FAM120A: variants seen among roughly 807,000 people sequenced by gnomAD.
FAM120A encodes family with sequence similarity 120 member A, also known as constitutive coactivator of PPAR-gamma-like protein 1.
FAM120A carries 15 observed loss-of-function variants against 109.7 expected under a neutral mutation model. That is an observed-to-expected ratio of 0.14 (90% confidence interval 0.09 to 0.21). The LOEUF (loss-of-function observed/expected upper bound fraction) is 0.21. FAM120A is among the 10% of genes least tolerant of loss of function. FAM120A has a pLI of 1.00. For synonymous variants in FAM120A, 493 were observed against 572.8 expected, an observed-to-expected ratio of 0.86 and a Z score of 1.99; for missense variants, 899 against 1,439.3, an observed-to-expected ratio of 0.62 and a Z score of 6.07.
intron 1 of FAM120A, chr9:93,453,129 A>C (rs1439932754): frequency 9.9e-7 from 1 of 1,006,476 alleles, no homozygotes; most frequent in Non-Finnish European, 1.2e-6. Context: ...GGTTTTGTAG[A>C]TCCCATGCGA....
rs1157129575 is a variant in FAM120A, at chr9:93,498,203, G to A, written c.934-587G>A. The stretch of plus-strand genomic sequence containing the variant: ...AGGTCAGGAGTTTGAGACTAGCCTG[G>A]CCAACATGGTGAAACCCTGTCTCTA... On this transcript the variant is annotated intron_variant, in intron 4 of 17. Transcript: ENST00000277165. This position sits in a 1 kb window ranked among gnomAD's most constrained non-coding sequence, Gnocchi z 4.4. Among the ~76,000 whole-genome samples the A allele has an allele frequency of 6.6e-6, 1 of 152,160 alleles. No homozygotes were observed. The highest frequency in any genetic ancestry group is 1.5e-5 in the Non-Finnish European group (1 of 68,028).
intron 8 of FAM120A, among the ~76,000 whole-genome samples, chr9:93,528,884 G>T (rs1861203104): frequency 6.6e-6 from 1 of 152,116 alleles, no homozygotes; most frequent in African/African-American, 2.4e-5. Flanking sequence ...TATGTGTTAG[G>T]GTTGTGTAAC....
intron 10 of FAM120A, among the ~76,000 whole-genome samples, chr9:93,541,475 T>G (rs770452927): frequency 6.6e-6 from 1 of 152,178 alleles, no homozygotes; most frequent in Non-Finnish European, 1.5e-5. Flanking sequence ...CAGGATATGC[T>G]TCGTGATGGA....
intron 3 of FAM120A, among the ~76,000 whole-genome samples, chr9:93,487,081 T>C (rs1859093296): frequency 6.6e-6 from 1 of 152,244 alleles, no homozygotes; most frequent in African/African-American, 2.4e-5. Flanking sequence ...TTTTCAGACC[T>C]TCTTTGGATA....
chr9:93,490,328 AT>A (rs1859258895), intron 3 of FAM120A, among the ~76,000 whole-genome samples: 1 of 152,220 alleles, frequency 6.6e-6, no homozygotes, highest in Non-Finnish European at 1.5e-5. Flanking sequence ...TCTCAAAATC[AT>A]TTAATCATTG....
chr9:93,555,502 C>T (rs1862257287), intron 12 of FAM120A, among the ~76,000 whole-genome samples: 1 of 152,224 alleles, frequency 6.6e-6, no homozygotes, highest in African/African-American at 2.4e-5. Flanking sequence ...CTCCCATAAA[C>T]ATTGCATTCT....
intron 3 of FAM120A, among the ~76,000 whole-genome samples, chr9:93,490,311 C>T (rs985781294): frequency 5.3e-5 from 8 of 152,166 alleles, no homozygotes; most frequent in African/African-American, 1.9e-4. Flanking sequence ...AGCAGTGGCA[C>T]CAACAGTCTC....
intron 1 of FAM120A, among the ~76,000 whole-genome samples, chr9:93,454,988 T>C (rs547546022): frequency 6.6e-6 from 1 of 152,370 alleles, no homozygotes; most frequent in East Asian, 1.9e-4. Flanking sequence ...AGTGGCACTT[T>C]CTTATAAAGT....
chr9:93,520,570 G>C (rs1003730845), intron 7 of FAM120A, among the ~76,000 whole-genome samples: 1 of 152,226 alleles, frequency 6.6e-6, no homozygotes, highest in Non-Finnish European at 1.5e-5. Context: ...CCTGGCTGTC[G>C]CCACTGAGCA....
chr9:93,564,126 T>A (rs1369519897), intron 17 of FAM120A, 103 bp from the exon 18 acceptor site: 1 of 1,183,810 alleles, frequency 8.4e-7, no homozygotes, highest in Non-Finnish European at 1.2e-6. Flanking sequence ...GGGCATTTTC[T>A]GCTCTTGAAT....
intron 7 of FAM120A, among the ~76,000 whole-genome samples, chr9:93,520,213 A>G (rs1034978742): frequency 6.6e-6 from 1 of 152,080 alleles, no homozygotes; most frequent in Non-Finnish European, 1.5e-5. Flanking sequence ...TGTGCTGGGT[A>G]TGGTACTGTA....
intron 11 of FAM120A, among the ~76,000 whole-genome samples, chr9:93,544,758 T>C (rs560331271): frequency 6.6e-6 from 1 of 152,342 alleles, no homozygotes; most frequent in African/African-American, 2.4e-5. Context: ...AACCTGTTCC[T>C]GTTCCAGGTC....
intron 12 of FAM120A, among the ~76,000 whole-genome samples, chr9:93,551,812 CTT>C (rs1862109483): frequency 6.6e-6 from 1 of 152,168 alleles, no homozygotes; most frequent in Non-Finnish European, 1.5e-5. Flanking sequence ...AAAAACAAAA[CTT>C]AGGAGAATTC....
At chr9:93,492,708 T>C (rs1859383857) in intron 3 of FAM120A, among the ~76,000 whole-genome samples, 1 of 152,142 alleles carries the variant, frequency 6.6e-6, no homozygotes, top group South Asian at 2.1e-4. Flanking sequence ...AGCTGCATGG[T>C]CAGCAAATTA....
chr9:93,551,048 A>C (rs372231857), intron 12 of FAM120A, among the ~76,000 whole-genome samples: 17 of 152,266 alleles, frequency 1.1e-4, no homozygotes, highest in African/African-American at 4.1e-4. Flanking sequence ...TGATCTTAAG[A>C]ATTTTCTAAC....
intron 15 of FAM120A, among the ~76,000 whole-genome samples, chr9:93,560,000 T>G (rs1231450124): frequency 6.6e-6 from 1 of 152,292 alleles, no homozygotes; most frequent in Non-Finnish European, 1.5e-5. Context: ...AGCTAATCAA[T>G]TTTTTATCTT....
chr9:93,471,110 CA>C (rs773488933), intron 1 of FAM120A, 30 bp from the exon 2 acceptor site: 12 of 1,612,514 alleles, frequency 7.4e-6, no homozygotes, highest in Middle Eastern at 1.7e-4. Context: ...TGTTACCCTA[CA>C]TCTGATGAAG....
At position 93,453,000 on chromosome 9, in the gene FAM120A, T is replaced by C. The variant is rs1857347726; in HGVS notation, c.474+611T>C. 5.6e-6 allele frequency: 7 copies of C among 1,254,592 alleles called. No individual in the cohort carries two copies. Among genetic ancestry groups the C allele is most frequent in the Non-Finnish European group, 6.0e-6 (6 of 997,042 alleles). 77.7% of individuals were successfully genotyped at this position (1,254,592 alleles called of 1,614,324 possible). A position where few individuals can be genotyped will look rare whatever the true frequency, so the allele number is the denominator to read the frequency against. On this transcript the variant is annotated intron_variant, in intron 1 of 17. Transcript: ENST00000277165. This position sits in a 1 kb window ranked among gnomAD's most constrained non-coding sequence, Gnocchi z 7.0. ...CGTGTTCCTCTTAGTACAGGGTGTT[T>C]AGAGAATCTTTCTATGGCTTTTTGT...
In FAM120A at chr9:93,536,221, G is replaced by A. The variant is rs138524521; in HGVS notation, c.1909+3892G>A. On this transcript the variant is annotated intron_variant, in intron 10 of 17. Coordinates refer to ENST00000277165, the MANE Select transcript of FAM120A (RefSeq NM_014612.5). ...ACATGGAGGTTGAATGAAATTATTGGCGTACTGGAAGAAGATCCATAAGCC... is the reference window on the plus strand; with the variant it reads ...ACATGGAGGTTGAATGAAATTATTGACGTACTGGAAGAAGATCCATAAGCC... Among the ~76,000 whole-genome samples, 28 of 152,292 alleles carry A rather than the reference G, an allele frequency of 1.8e-4. No homozygotes were observed. The East Asian group carries it at 5.4e-3, about 29-fold the overall frequency.
Sources: allele counts gnomAD v4.1 joint callset (sites outside exome capture counted in the v4.1 genomes callset), GRCh38; gene constraint gnomAD v4.1.1; non-coding constraint Gnocchi (gnomAD v3.1); transcripts MANE v1.5; gene names NCBI Gene and HGNC (gene_info 2026-07-23, HGNC 2026-07-21).